Variants in RBFOX1 observed in about 807,000 individuals in gnomAD.
The protein encoded by RBFOX1 is RNA binding fox-1 homolog 1.
A neutral mutation model predicts 57.7 loss-of-function variants in RBFOX1; 8 were observed. That is an observed-to-expected ratio of 0.14 (90% CI 0.08 to 0.25). The LOEUF (loss-of-function observed/expected upper bound fraction) is 0.25. Ranked by LOEUF, RBFOX1 falls within the 10% of genes least tolerant of loss-of-function variation. The probability of loss-of-function intolerance (pLI) is 1.00; values close to 1 mark genes in which losing one functional copy is unlikely to be tolerated. For synonymous variants in RBFOX1, 326 were observed against 222.4 expected, an observed-to-expected ratio of 1.47 and a Z score of -4.15; for missense variants, 611 against 548.5, an observed-to-expected ratio of 1.11 and a Z score of -1.14.
chr16:6,060,338 C>G (rs993286353), intron 1 of RBFOX1, among the ~76,000 whole-genome samples: 2 of 151,940 alleles, frequency 1.3e-5, no homozygotes, highest in African/African-American at 4.8e-5. Flanking sequence ...CTGTCTAAGT[C>G]TTACAGTGAG....
chr16:6,220,284 G>C (rs2097364066), intron 1 of RBFOX1, among the ~76,000 whole-genome samples: 1 of 151,804 alleles, frequency 6.6e-6, no homozygotes, highest in South Asian at 2.1e-4. Context: ...TTACTTTCTT[G>C]AATTGCTAAA....
chr16:6,198,816 A>G (rs1019030669), intron 1 of RBFOX1, among the ~76,000 whole-genome samples: 1 of 152,118 alleles, frequency 6.6e-6, no homozygotes, highest in African/African-American at 2.4e-5. Flanking sequence ...ACAAAATTAT[A>G]TTGAGGGAAA....
chr16:7,454,035 C>G (rs1190083894), intron 4 of RBFOX1, among the ~76,000 whole-genome samples: 1 of 152,160 alleles, frequency 6.6e-6, no homozygotes, highest in Non-Finnish European at 1.5e-5. Context: ...GAGTTCCAGA[C>G]CAGCCTCACC....
rs917798961 is a variant in RBFOX1, at chr16:6,876,046, G to A, written c.-15-176011G>A. On this transcript the variant is annotated intron_variant, in intron 3 of 15. Transcript: ENST00000550418. ...AAAATAAGCAGGCATAGTAACACAC[G>A]TCTATAGTCCTAGCATCTCGGGGGG... is the stretch of plus-strand genomic sequence containing the variant. 2.0e-5 allele frequency among the ~76,000 whole-genome samples: 3 copies of A among 151,782 alleles called. 1 individual carries two copies. Among genetic ancestry groups the A allele is most frequent in the African/African-American group, 7.3e-5 (3 of 41,306 alleles).
intron 2 of RBFOX1, among the ~76,000 whole-genome samples, chr16:5,505,027 A>G (rs1377282607): frequency 6.6e-6 from 1 of 152,126 alleles, no homozygotes; most frequent in South Asian, 2.1e-4. Context: ...AACGTGTTCT[A>G]AAGCTGGTCA....
intron 3 of RBFOX1, among the ~76,000 whole-genome samples, chr16:6,664,861 C>A (rs191205413): frequency 1.3e-5 from 2 of 152,176 alleles, no homozygotes; most frequent in Non-Finnish European, 1.5e-5. Flanking sequence ...CCCGGTTCTG[C>A]CCCTTCACCA....
intron 4 of RBFOX1, among the ~76,000 whole-genome samples, chr16:7,383,190 A>T (rs556258571): frequency 6.6e-6 from 1 of 151,940 alleles, no homozygotes; most frequent in African/African-American, 2.4e-5. Context: ...TGATGTGCTT[A>T]TTTCTCATGG....
In RBFOX1 at chr16:6,155,991, T is replaced by A. The variant is rs1445651398; in HGVS notation, c.-127+135999T>A. Among the ~76,000 whole-genome samples, 3 of 152,114 alleles carry A rather than the reference T, an allele frequency of 2.0e-5. No individual in the cohort carries two copies. In the East Asian group the frequency reaches 5.8e-4, roughly 29 times the overall value. ...TTTAATCCTCCCCACTCTTCGTGAGTTAGAACTCTGTTTCTTGTTTTATAA... is the reference window on the plus strand; with the variant it reads ...TTTAATCCTCCCCACTCTTCGTGAGATAGAACTCTGTTTCTTGTTTTATAA... On this transcript the variant is annotated intron_variant, in intron 1 of 15. Transcript: ENST00000550418.
intron 4 of RBFOX1, among the ~76,000 whole-genome samples, chr16:7,257,486 AC>A (rs34162477): frequency 1.3e-5 from 2 of 150,624 alleles, no homozygotes; most frequent in Non-Finnish European, 3.0e-5. Context: ...TGTCAGCCAT[AC>A]CCCCCGGGTT....
At chr16:5,383,609 A>G (rs1241618508) in intron 1 of RBFOX1, among the ~76,000 whole-genome samples, 1 of 152,246 alleles carries the variant, frequency 6.6e-6, no homozygotes, top group Non-Finnish European at 1.5e-5. Context: ...GTAAGTCCCT[A>G]GGATCAACTG....
chr16:7,010,834 C>A (rs2093620418), intron 3 of RBFOX1, among the ~76,000 whole-genome samples: 1 of 152,144 alleles, frequency 6.6e-6, no homozygotes, highest in South Asian at 2.1e-4. Flanking sequence ...GCCTCCGCCT[C>A]CCAAAGTGCT....
At chr16:7,466,839 GA>G (rs1177460743) in intron 4 of RBFOX1, among the ~76,000 whole-genome samples, 1 of 152,106 alleles carries the variant, frequency 6.6e-6, no homozygotes, top group African/African-American at 2.4e-5. Flanking sequence ...ACTTCCAAAG[GA>G]ATAAGGACAA....
At chr16:5,736,725 C>T (rs1181859675) in intron 3 of RBFOX1, among the ~76,000 whole-genome samples, 1 of 152,090 alleles carries the variant, frequency 6.6e-6, no homozygotes, top group African/African-American at 2.4e-5. Flanking sequence ...TCTGCCCCCT[C>T]CCCTCTCTCC....
At chr16:7,476,184 G>T (rs2062665936) in intron 4 of RBFOX1, among the ~76,000 whole-genome samples, 1 of 151,934 alleles carries the variant, frequency 6.6e-6, no homozygotes, top group Non-Finnish European at 1.5e-5. Flanking sequence ...TGTTGCCCAG[G>T]CTGGTCTTGA....
At chr16:7,254,111 T>C (rs1432826063) in intron 4 of RBFOX1, among the ~76,000 whole-genome samples, 1 of 152,148 alleles carries the variant, frequency 6.6e-6, no homozygotes, top group Non-Finnish European at 1.5e-5. Context: ...ACCTGTTATT[T>C]TAATTCTCAC....
chr16:5,910,887 C>T (rs2058586115), intron 4 of RBFOX1, among the ~76,000 whole-genome samples: 1 of 152,182 alleles, frequency 6.6e-6, no homozygotes, highest in Non-Finnish European at 1.5e-5. Flanking sequence ...GGTGTACAAA[C>T]ACCCCACATC....
rs185947450 is a variant in RBFOX1 at position 5,493,248 on chromosome 16, A to G, written c.258+25994A>G. 2.0e-5 allele frequency among the ~76,000 whole-genome samples: 3 copies of G among 152,224 alleles called. No homozygotes were observed. The East Asian group carries it at 5.8e-4, about 29-fold the overall frequency. On this transcript the variant is annotated intron_variant, in intron 2 of 2. Coordinates refer to the RBFOX1 transcript ENST00000585867. ...TTTCATTTTTGTTATTATTTCTTAC[A>G]TTTTGTAGAGATGGGATCTCACTAT...
chr16:6,250,676 C>A (rs1213765420), intron 1 of RBFOX1, among the ~76,000 whole-genome samples: 1 of 152,124 alleles, frequency 6.6e-6, no homozygotes, highest in Non-Finnish European at 1.5e-5. Context: ...GTCGGGGAAG[C>A]CTGCCGGCTG....
chr16:5,696,361 G>A (rs1214216360), intron 3 of RBFOX1, among the ~76,000 whole-genome samples: 1 of 152,150 alleles, frequency 6.6e-6, no homozygotes, highest in African/African-American at 2.4e-5. Flanking sequence ...TTTAACTTCT[G>A]TATAATATCT....
Sources: allele counts gnomAD v4.1 joint callset (sites outside exome capture counted in the v4.1 genomes callset), GRCh38; gene constraint gnomAD v4.1.1; transcripts MANE v1.5; gene names NCBI Gene and HGNC (gene_info 2026-07-23, HGNC 2026-07-21).